Variants in COBL observed in about 807,000 individuals in gnomAD.
The protein encoded by COBL is cordon-bleu WH2 repeat protein, also known as protein cordon-bleu.
Under a neutral mutation model 98.8 loss-of-function variants are expected in COBL, and 51 were observed. The ratio of observed to expected loss-of-function variants is 0.52; its 90% confidence interval spans 0.41 to 0.65. The LOEUF (loss-of-function observed/expected upper bound fraction) is 0.65, where lower values mean the gene tolerates loss of function less well. Among genes scored for constraint, COBL ranks in the 30% least tolerant of loss-of-function variants. The probability of loss-of-function intolerance (pLI) is 0.00; values close to 1 mark genes in which losing one functional copy is unlikely to be tolerated. For missense variants in COBL, 1,617 were observed against 1,617.5 expected, an observed-to-expected ratio of 1.00 and a Z score of 0.01; for synonymous variants, 634 against 651.7, an observed-to-expected ratio of 0.97 and a Z score of 0.41.
chr7:51,069,377 CTTTAAA>C (rs1315394526), intron 7 of COBL, among the ~76,000 whole-genome samples: 2 of 152,238 alleles, frequency 1.3e-5, no homozygotes, highest in East Asian at 3.9e-4. Flanking sequence ...ATCACTTTCC[CTTTAAA>C]TTTCTTTTTG....
chr7:51,300,716 G>T (rs1801867375), intron 1 of COBL, among the ~76,000 whole-genome samples: 1 of 152,122 alleles, frequency 6.6e-6, no homozygotes, highest in Non-Finnish European at 1.5e-5. Context: ...AATGATAACT[G>T]CCAGTCCACC....
At chr7:51,075,923 C>T (rs527490889) in intron 7 of COBL, among the ~76,000 whole-genome samples, 2 of 152,170 alleles carry the variant, frequency 1.3e-5, no homozygotes, top group African/African-American at 4.8e-5. Flanking sequence ...TTCTAATGTA[C>T]TTTTGAGTAG....
intron 6 of COBL, among the ~76,000 whole-genome samples, chr7:51,120,681 C>T (rs1312200061): frequency 6.6e-6 from 1 of 152,012 alleles, no homozygotes; most frequent in Non-Finnish European, 1.5e-5. Flanking sequence ...TACTTTTTGT[C>T]TCCATGAATC....
At chr7:51,232,266 G>A (rs1424962544) in intron 1 of COBL, among the ~76,000 whole-genome samples, 2 of 152,026 alleles carry the variant, frequency 1.3e-5, no homozygotes, top group African/African-American at 4.8e-5. Context: ...CCCAAAAAAG[G>A]AAGAAGAAAA....
intron 1 of COBL, among the ~76,000 whole-genome samples, chr7:51,258,205 C>A (rs926792909): frequency 2.6e-5 from 4 of 152,224 alleles, no homozygotes; most frequent in Non-Finnish European, 4.4e-5. Flanking sequence ...ATGGTTAAAA[C>A]CATATACTTT....
chr7:51,113,951 G>C (rs957638123), intron 6 of COBL, among the ~76,000 whole-genome samples: 1 of 152,184 alleles, frequency 6.6e-6, no homozygotes. Flanking sequence ...TATAGTTACA[G>C]GCCAAATGGT....
chr7:51,223,079 G>C (rs1392898040), intron 1 of COBL, among the ~76,000 whole-genome samples: 1 of 152,216 alleles, frequency 6.6e-6, no homozygotes, highest in African/African-American at 2.4e-5. Flanking sequence ...TCCACAGTGT[G>C]ACTAGGAGCA....
intron 1 of COBL, among the ~76,000 whole-genome samples, chr7:51,299,360 C>T (rs1297029098): frequency 6.6e-6 from 1 of 152,186 alleles, no homozygotes; most frequent in African/African-American, 2.4e-5. Context: ...TTTGCTAGAA[C>T]AGAAAAGAAG....
At chr7:51,162,238 A>G (rs1023292594) in intron 5 of COBL, among the ~76,000 whole-genome samples, 5 of 152,244 alleles carry the variant, frequency 3.3e-5, no homozygotes, top group African/African-American at 1.2e-4. Context: ...CCACTAAGCC[A>G]GAGTCCCCCG....
chr7:51,169,060 A>C (rs192027031), intron 5 of COBL, among the ~76,000 whole-genome samples: 69 of 152,184 alleles, frequency 4.5e-4, no homozygotes, highest in Admixed American at 4.5e-3. Context: ...ATTAACATCA[A>C]CTCAGACCTT....
At chr7:51,099,806 T>A (rs1795653536) in intron 6 of COBL, among the ~76,000 whole-genome samples, 1 of 152,226 alleles carries the variant, frequency 6.6e-6, no homozygotes, top group African/African-American at 2.4e-5. Flanking sequence ...CACATTCGGT[T>A]TGTGATAATA....
chr7:51,048,952 C>A (rs56074740), intron 7 of COBL, among the ~76,000 whole-genome samples: 56,611 of 152,020 alleles, frequency 0.37, 12,898 homozygotes, highest in African/African-American at 0.63. Context: ...TCTACTTTTC[C>A]TCTTATAGAT....
chr7:51,225,345 A>G (rs1025588282), intron 1 of COBL, among the ~76,000 whole-genome samples: 2 of 152,206 alleles, frequency 1.3e-5, no homozygotes, highest in African/African-American at 4.8e-5. Context: ...GGCAGTTTAA[A>G]AAGAGTAGGC....
At chr7:51,115,268 C>T (rs988457659) in intron 6 of COBL, among the ~76,000 whole-genome samples, 1 of 152,064 alleles carries the variant, frequency 6.6e-6, no homozygotes, top group South Asian at 2.1e-4. Flanking sequence ...CTACTGCTTT[C>T]GATTTCACTG....
chr7:51,313,680 T>G (rs1803275000), intron 1 of COBL, among the ~76,000 whole-genome samples: 1 of 152,242 alleles, frequency 6.6e-6, no homozygotes, highest in East Asian at 1.9e-4. Context: ...ACAGCAAGCC[T>G]TCTTCTGTCC....
chr7:51,313,529 T>C (rs970192894), intron 1 of COBL, among the ~76,000 whole-genome samples: 16 of 152,230 alleles, frequency 1.1e-4, no homozygotes, highest in Non-Finnish European at 1.6e-4. Context: ...CACTGATTTT[T>C]ACATGAGCAA....
At chr7:51,274,031 T>C (rs1265493940) in intron 1 of COBL, among the ~76,000 whole-genome samples, 1 of 152,120 alleles carries the variant, frequency 6.6e-6, no homozygotes, top group Non-Finnish European at 1.5e-5. Flanking sequence ...ATGCTCTCCT[T>C]AGACCACAGG....
intron 1 of COBL, among the ~76,000 whole-genome samples, chr7:51,309,167 C>T (rs1802774803): frequency 1.3e-5 from 2 of 152,222 alleles, no homozygotes; most frequent in South Asian, 4.2e-4. Context: ...CCCCCTGCCT[C>T]CAAGCTGCCC....
chr7:51,017,442 G>T lies in COBL; in HGVS notation c.*109C>A. ...ATCAACTGTGCGCATTTGGCCTGTAGACAAGAAAGTAACACCAAAACTTGA... is the reference window on the plus strand; with the variant it reads ...ATCAACTGTGCGCATTTGGCCTGTATACAAGAAAGTAACACCAAAACTTGA... On this transcript the variant is annotated 3_prime_UTR_variant, in exon 13 of 13. Coordinates refer to ENST00000265136, the MANE Select transcript of COBL (RefSeq NM_015198.5). 8.6e-7 allele frequency: 1 copy of T among 1,167,240 alleles called. No homozygotes were observed. The highest frequency in any genetic ancestry group is 1.3e-6 in the Non-Finnish European group (1 of 777,228). 72.3% of individuals were successfully genotyped at this position (1,167,240 alleles called of 1,614,324 possible).
Sources: allele counts gnomAD v4.1 joint callset (sites outside exome capture counted in the v4.1 genomes callset), GRCh38; gene constraint gnomAD v4.1.1; transcripts MANE v1.5; gene names NCBI Gene and HGNC (gene_info 2026-07-23, HGNC 2026-07-21).